The following PXDNL variants were observed in gnomAD, a reference collection of about 807,000 sequenced individuals.
PXDNL encodes the protein peroxidasin like.
PXDNL carries 145 observed loss-of-function variants against 150.8 expected under a neutral mutation model. That is an observed-to-expected ratio of 0.96 (90% CI 0.84 to 1.10). The LOEUF (loss-of-function observed/expected upper bound fraction) is 1.10, where lower values mean the gene tolerates loss of function less well. Among genes scored for constraint, PXDNL ranks in the 50% least tolerant of loss-of-function variants. PXDNL has a pLI of 0.00. For missense variants in PXDNL, 2,087 were observed against 1,873.9 expected (o/e 1.11, Z -2.10); for synonymous variants, 757 against 725.7 (o/e 1.04, Z -0.69).
chr8:51,733,532 G>A (rs1366826612), intron 1 of PXDNL, among the ~76,000 whole-genome samples: 4 of 152,118 alleles, frequency 2.6e-5, no homozygotes, highest in African/African-American at 9.7e-5. Flanking sequence ...AACAGGCCAG[G>A]TATGGTAGCT....
intron 1 of PXDNL, among the ~76,000 whole-genome samples, chr8:51,659,229 C>A (rs1326543908): frequency 6.6e-6 from 1 of 151,974 alleles, no homozygotes; most frequent in Non-Finnish European, 1.5e-5. Flanking sequence ...AATTTTCATC[C>A]CATTCATTGT....
At position 51,414,189 on chromosome 8, in the gene PXDNL, C is replaced by T. The variant is rs190316527; in HGVS notation, c.1796-931G>A. ...ATATAAGCTTAAGTCAAGGTGTTAC[C>T]ACAATATAGTATGATAGATATATAC... On this transcript the variant is annotated intron_variant, in intron 14 of 22. Transcript: ENST00000356297. Among the ~76,000 whole-genome samples, 19 of 151,108 alleles carry T rather than the reference C, an allele frequency of 1.3e-4. No homozygotes were observed. The East Asian group carries it at 3.3e-3, about 26-fold the overall frequency.
intron 1 of PXDNL, among the ~76,000 whole-genome samples, chr8:51,768,146 A>C (rs192403337): frequency 6.6e-6 from 1 of 152,224 alleles, no homozygotes; most frequent in Non-Finnish European, 1.5e-5. Context: ...AAAGCTCACG[A>C]TTCTTACTGA....
At chr8:51,404,330 G>T (rs1165423116) in intron 17 of PXDNL, among the ~76,000 whole-genome samples, 4 of 152,200 alleles carry the variant, frequency 2.6e-5, no homozygotes, top group African/African-American at 9.7e-5. Context: ...ATTTTACAGA[G>T]AGCTGATTGG....
At chr8:51,542,860 G>A (rs1407068611) in intron 4 of PXDNL, among the ~76,000 whole-genome samples, 1 of 151,310 alleles carries the variant, frequency 6.6e-6, no homozygotes, top group East Asian at 1.9e-4. Flanking sequence ...CAATAAACTA[G>A]ACAGATCAAC....
At chr8:51,507,918 T>A (rs528208053) in intron 4 of PXDNL, among the ~76,000 whole-genome samples, 1 of 152,276 alleles carries the variant, frequency 6.6e-6, no homozygotes, top group South Asian at 2.1e-4. Context: ...TGCTTTATTT[T>A]CTGAGCGGGA....
chr8:51,793,436 C>T (rs1370898479), intron 1 of PXDNL, among the ~76,000 whole-genome samples: 3 of 152,180 alleles, frequency 2.0e-5, no homozygotes, highest in African/African-American at 7.2e-5. Context: ...ACTTCTCCTC[C>T]AAATGATCAC....
intron 22 of PXDNL, 112 bp downstream of exon 22, chr8:51,320,672 G>GA: frequency 1.3e-6 from 1 of 762,140 alleles, no homozygotes; most frequent in Non-Finnish European, 2.2e-6. Context: ...AATATGCCTA[G>GA]AATCTATTGA....
intron 12 of PXDNL, among the ~76,000 whole-genome samples, chr8:51,434,587 C>A (rs964710167): frequency 2.0e-5 from 3 of 152,164 alleles, no homozygotes; most frequent in African/African-American, 7.2e-5. Context: ...AATGTATTTT[C>A]TACCATGTAA....
intron 12 of PXDNL, among the ~76,000 whole-genome samples, chr8:51,436,777 C>A (rs1809417749): frequency 6.6e-6 from 1 of 152,124 alleles, no homozygotes; most frequent in Non-Finnish European, 1.5e-5. Flanking sequence ...AACAGACAAT[C>A]TAAGGTCACA....
At chr8:51,429,916 TA>T (rs1360804540) in intron 12 of PXDNL, among the ~76,000 whole-genome samples, 1 of 152,146 alleles carries the variant, frequency 6.6e-6, no homozygotes, top group Non-Finnish European at 1.5e-5. Context: ...TATTCTAAGT[TA>T]ACACATGCAT....
chr8:51,436,363 T>C, intron 12 of PXDNL: 1 of 435,210 alleles, frequency 2.3e-6, no homozygotes, highest in Admixed American at 2.7e-5. Flanking sequence ...ACCAACTTTA[T>C]ATAAAAATTC....
At position 51,501,510 on chromosome 8, in the gene PXDNL, TCA is replaced by T. The variant is rs542290384; in HGVS notation, c.381-1742_381-1741del. On this transcript the variant is annotated intron_variant, in intron 4 of 22. Coordinates refer to ENST00000356297, the MANE Select transcript of PXDNL (RefSeq NM_144651.5). ...CACACACACGGACACTCGTGCACAC[TCA>T]CACTTGTTCACATACACTCTCACAT... Among the ~76,000 whole-genome samples, 155 of 151,336 alleles carry T rather than the reference TCA, an allele frequency of 1.0e-3. 1 individual carries two copies. Among genetic ancestry groups the T allele is most frequent in the African/African-American group, 3.4e-3 (139 of 41,226 alleles).
intron 10 of PXDNL, 56 bp downstream of exon 10, chr8:51,453,463 T>G: frequency 6.4e-7 from 1 of 1,558,170 alleles, no homozygotes; most frequent in East Asian, 2.3e-5. Flanking sequence ...AGTTGAAAAA[T>G]AATTTTCTGA....
At chr8:51,565,943 T>G (rs928728215) in intron 3 of PXDNL, among the ~76,000 whole-genome samples, 1 of 151,276 alleles carries the variant, frequency 6.6e-6, no homozygotes, top group Non-Finnish European at 1.5e-5. Flanking sequence ...GCCATAGGGG[T>G]TTTTTTTGGA....
chr8:51,320,995 C>T, intron 21 of PXDNL, 98 bp from the exon 22 acceptor site: 2 of 888,182 alleles, frequency 2.3e-6, no homozygotes, highest in East Asian at 2.4e-5. Context: ...ATTCTGTAAG[C>T]ACACACCTAG....
rs746155726 is a variant in PXDNL at position 51,319,976 on chromosome 8, C to T, written c.4307G>A (p.Cys1436Tyr). The T allele has an allele frequency of 1.9e-6, 3 of 1,576,308 alleles. No individual in the cohort carries two copies. The highest frequency in any genetic ancestry group is 1.7e-6 in the Non-Finnish European group (2 of 1,161,730). ...CVVEICPPAP[C>Y]PSPELVKGTC... ...TCCTTTCACCAATTCAGGACTGGGACAGGGAGCCGGGGGACAAATCTCCAC... is the reference window on the plus strand; with the variant it reads ...TCCTTTCACCAATTCAGGACTGGGATAGGGAGCCGGGGGACAAATCTCCAC... The change falls in exon 23 of 23, where the codon TGT becomes TAT. Residue 1436 changes from cysteine (C) to tyrosine (Y), a missense_variant. By Grantham distance (194) the Cys-to-Tyr change is radical. Coordinates refer to ENST00000356297, the MANE Select transcript of PXDNL (RefSeq NM_144651.5).
intron 2 of PXDNL, among the ~76,000 whole-genome samples, chr8:51,640,428 A>T (rs1814722667): frequency 6.6e-6 from 1 of 152,236 alleles, no homozygotes; most frequent in Admixed American, 6.5e-5. Flanking sequence ...CTGTTTGCAG[A>T]TGACATGATT....
intron 17 of PXDNL, among the ~76,000 whole-genome samples, chr8:51,385,736 A>G (rs1312190450): frequency 6.6e-6 from 1 of 152,204 alleles, no homozygotes; most frequent in African/African-American, 2.4e-5. Flanking sequence ...GTGGAAGATA[A>G]CTGAATCATA....
Sources: allele counts gnomAD v4.1 joint callset (sites outside exome capture counted in the v4.1 genomes callset), GRCh38; gene constraint gnomAD v4.1.1; transcripts MANE v1.5; gene names NCBI Gene and HGNC (gene_info 2026-07-23, HGNC 2026-07-21).